Variants in FGF12 observed in about 807,000 individuals in gnomAD.
The protein encoded by FGF12 is fibroblast growth factor 12B.
In FGF12, 14 loss-of-function variants were observed where a neutral mutation model predicts 23.6. That is an observed-to-expected ratio of 0.59 (90% confidence interval 0.39 to 0.93). The LOEUF is 0.93. FGF12 is among the 40% of genes least tolerant of loss of function. The probability of loss-of-function intolerance (pLI) is 0.00; values close to 1 mark genes in which losing one functional copy is unlikely to be tolerated. For missense variants in FGF12, 175 were observed against 217.8 expected (o/e 0.80, Z 1.24); for synonymous variants, 62 against 77.3 (o/e 0.80, Z 1.04).
chr3:192,224,768 G>T (rs1026262585), intron 4 of FGF12, among the ~76,000 whole-genome samples: 2 of 152,062 alleles, frequency 1.3e-5, no homozygotes, highest in Non-Finnish European at 2.9e-5. Flanking sequence ...AATAAAACTC[G>T]AAACTGAATG....
chr3:192,663,556 C>G (rs1448397922), intron 2 of FGF12, among the ~76,000 whole-genome samples: 1 of 152,166 alleles, frequency 6.6e-6, no homozygotes, highest in Non-Finnish European at 1.5e-5. Context: ...CCTTCCATGT[C>G]ATCTCTCTGG....
At chr3:192,250,475 T>G (rs958141041) in intron 4 of FGF12, among the ~76,000 whole-genome samples, 1 of 152,118 alleles carries the variant, frequency 6.6e-6, no homozygotes, top group Non-Finnish European at 1.5e-5. Context: ...TATGCCACAA[T>G]ACAAGCATAA....
At chr3:192,254,423 T>C (rs1712247515) in intron 4 of FGF12, among the ~76,000 whole-genome samples, 1 of 151,960 alleles carries the variant, frequency 6.6e-6, no homozygotes, top group African/African-American at 2.4e-5. Context: ...TTCATGTTGA[T>C]AGCCATCTTA....
intron 5 of FGF12, among the ~76,000 whole-genome samples, chr3:192,154,871 A>T (rs1577180179): frequency 7.1e-6 from 1 of 140,298 alleles, no homozygotes; most frequent in Admixed American, 7.1e-5. Flanking sequence ...TGCTTTGTTT[A>T]CCTAAACAAG....
At chr3:192,628,079 A>T (rs1376465127) in intron 2 of FGF12, among the ~76,000 whole-genome samples, 1 of 152,154 alleles carries the variant, frequency 6.6e-6, no homozygotes, top group Non-Finnish European at 1.5e-5. Context: ...TTTAAAAAAC[A>T]TTACATGAAC....
rs137953056 is a variant in FGF12 at position 192,427,361 on chromosome 3, A to G, written c.14-66823T>C. 1.4e-3 allele frequency among the ~76,000 whole-genome samples: 201 copies of G among 148,342 alleles called. 1 individual carries two copies. The highest frequency in any genetic ancestry group is 5.0e-3 in the African/African-American group (197 of 39,718). On this transcript the variant is annotated intron_variant, in intron 2 of 5. Coordinates refer to ENST00000445105, the MANE Select transcript of FGF12 (RefSeq NM_004113.6). Reference sequence around the variant, plus strand: ...GCCATTGCACTTCAGCCTGGGCGACAGAGCAGGACTCCGTCTCTGAAAAAA... The same window carrying G: ...GCCATTGCACTTCAGCCTGGGCGACGGAGCAGGACTCCGTCTCTGAAAAAA...
At chr3:192,166,809 G>A (rs76950432) in intron 5 of FGF12, among the ~76,000 whole-genome samples, 10,505 of 151,906 alleles carry the variant, frequency 0.069, 436 homozygotes, top group African/African-American at 0.11. Context: ...ATGAGAAGGT[G>A]TTTGGCCTAA....
At chr3:192,608,990 G>A (rs1236779504) in intron 2 of FGF12, among the ~76,000 whole-genome samples, 2 of 152,102 alleles carry the variant, frequency 1.3e-5, no homozygotes, top group Non-Finnish European at 2.9e-5. Flanking sequence ...GCTATAATGG[G>A]CATCCAGCTT....
chr3:192,335,388 C>T lies in FGF12; in HGVS notation c.201G>A (p.Met67Ile). Reference sequence around the variant, plus strand: ...AACTGTAGAGATAGCCTTCACCATTCATGGCCACATAGAGGCTAGCCTTCA... The same window carrying T: ...AACTGTAGAGATAGCCTTCACCATTTATGGCCACATAGAGGCTAGCCTTCA... ...QGVKASLYVA[M>I]NGEGYLYSSD... Residue 67 changes from methionine (M) to isoleucine (I), a missense_variant, in exon 4 of 6, where the codon ATG (methionine) becomes ATA (isoleucine). Physicochemically the swap from Met to Ile is conservative, Grantham distance 10 (BLOSUM62 1). Coordinates refer to ENST00000445105, the MANE Select transcript of FGF12 (RefSeq NM_004113.6). The T allele has an allele frequency of 6.2e-7, 1 of 1,612,890 alleles. No individual in the cohort carries two copies. Among genetic ancestry groups the T allele is most frequent in the Non-Finnish European group, 8.5e-7 (1 of 1,179,156 alleles).
At chr3:192,628,695 G>A (rs1490596493) in intron 2 of FGF12, among the ~76,000 whole-genome samples, 1 of 148,956 alleles carries the variant, frequency 6.7e-6, no homozygotes, top group Non-Finnish European at 1.5e-5. Flanking sequence ...ATACATTTAT[G>A]TATATATACA....
At chr3:192,717,635 A>C (rs1718905216) in intron 2 of FGF12, among the ~76,000 whole-genome samples, 1 of 152,188 alleles carries the variant, frequency 6.6e-6, no homozygotes, top group Non-Finnish European at 1.5e-5. Context: ...ACTGTAATAA[A>C]ATATGTGAAA....
chr3:192,139,788 G>C lies in FGF12; in HGVS notation c.*4221C>G, dbSNP rs1349791973. The C allele has an allele frequency of 6.6e-6, 1 of 151,746 alleles. No individual in the cohort carries two copies. The highest frequency in any genetic ancestry group is 2.4e-5 in the African/African-American group (1 of 41,312). The allele number at this position is 151,746 out of a possible 1,614,324, so 9.4% of individuals were successfully genotyped here. A position where few individuals can be genotyped will look rare whatever the true frequency, so the allele number is the denominator to read the frequency against. ...ACATTATTAATTTTCACTTAACTTA[G>C]ATTTAAGTATTGAATTTTTAACTTG... On this transcript the variant is annotated 3_prime_UTR_variant, in exon 6 of 6. Transcript: ENST00000445105.
At chr3:192,352,819 A>T (rs1052431326) in intron 3 of FGF12, among the ~76,000 whole-genome samples, 2 of 152,192 alleles carry the variant, frequency 1.3e-5, no homozygotes, top group Non-Finnish European at 2.9e-5. Flanking sequence ...TTCAAGGGCA[A>T]AGAATCTCAA....
chr3:192,618,563 C>T (rs1157884291), intron 2 of FGF12, among the ~76,000 whole-genome samples: 2 of 152,082 alleles, frequency 1.3e-5, no homozygotes, highest in South Asian at 2.1e-4. Context: ...TAAATTTGAC[C>T]GATTTCTCCT....
chr3:192,159,799 T>C (rs1404333507), intron 5 of FGF12, among the ~76,000 whole-genome samples: 1 of 152,180 alleles, frequency 6.6e-6, no homozygotes, highest in Non-Finnish European at 1.5e-5. Context: ...AGGCTATAGA[T>C]GTTGCTACAT....
intron 2 of FGF12, among the ~76,000 whole-genome samples, chr3:192,477,518 C>T (rs1229397552): frequency 1.3e-5 from 2 of 152,144 alleles, no homozygotes; most frequent in Non-Finnish European, 2.9e-5. Context: ...GATATTATTA[C>T]CAGTATAAAG....
At chr3:192,383,520 A>T (rs75345450) in intron 2 of FGF12, among the ~76,000 whole-genome samples, 25 of 35,256 alleles carry the variant, frequency 7.1e-4, no homozygotes, top group Non-Finnish European at 9.1e-4. Flanking sequence ...ATTCTGATTT[A>T]AAAAAAAAAA....
rs545613192 is a variant in FGF12 at position 192,314,851 on chromosome 3, T to C, written c.228+20510A>G. ...CCACTGAGTTACATGTAGAATTATG[T>C]GGAAGGCATGTGTAAGGTGACTGCA... On this transcript the variant is annotated intron_variant, in intron 4 of 5. Transcript: ENST00000445105. Among the ~76,000 whole-genome samples, 6 of 152,330 alleles carry C rather than the reference T, an allele frequency of 3.9e-5. 1 individual carries two copies. The highest frequency in any genetic ancestry group is 1.3e-4 in the Admixed American group (2 of 15,304).
At chr3:192,712,553 A>T (rs549654238) in intron 2 of FGF12, among the ~76,000 whole-genome samples, 1 of 152,138 alleles carries the variant, frequency 6.6e-6, no homozygotes, top group East Asian at 1.9e-4. Context: ...TGTTAGAATG[A>T]TATCAGACCA....
Sources: gnomAD v4.1 joint callset for allele counts (sites outside exome capture counted in the v4.1 genomes callset) on GRCh38, gnomAD v4.1.1 for gene constraint, MANE v1.5 for transcripts, NCBI Gene and HGNC (gene_info 2026-07-23, HGNC 2026-07-21) for gene names.